The following PRRC2B variants were observed in gnomAD, a reference collection of about 807,000 sequenced individuals.
The protein encoded by PRRC2B is proline rich coiled-coil 2B.
Under a neutral mutation model 242.3 loss-of-function variants are expected in PRRC2B, and 68 were observed. The observed-to-expected ratio is 0.28, with a 90% CI of 0.23 to 0.34. The LOEUF (loss-of-function observed/expected upper bound fraction) is 0.34. PRRC2B is among the 10% of genes least tolerant of loss of function. The pLI, the probability that PRRC2B is intolerant of heterozygous loss-of-function variation, is 1.00. For synonymous variants in PRRC2B, 1,228 were observed against 1,173.6 expected, an observed-to-expected ratio of 1.05 and a Z score of -0.95; for missense variants, 2,835 against 2,954.8, an observed-to-expected ratio of 0.96 and a Z score of 0.94.
In PRRC2B at chr9:131,498,628, G is replaced by C. The variant is rs899744368; in HGVS notation, c.*2754G>C. ...TTCAAACCCCCATCCTCAGAGCGCAGATACATGCAGAGGCTTCTGCCAGGA... is the reference window on the plus strand; with the variant it reads ...TTCAAACCCCCATCCTCAGAGCGCACATACATGCAGAGGCTTCTGCCAGGA... On this transcript the variant is annotated 3_prime_UTR_variant, in exon 32 of 32. Coordinates refer to ENST00000683519, the MANE Select transcript of PRRC2B (RefSeq NM_013318.4). 2 of 152,278 alleles carry C rather than the reference G, an allele frequency of 1.3e-5. No homozygotes were observed. The highest frequency in any genetic ancestry group is 2.4e-5 in the African/African-American group (1 of 41,466). 9.4% of individuals were successfully genotyped at this position (152,278 alleles called of 1,614,324 possible).
In PRRC2B at chr9:131,476,392, C is replaced by T; in HGVS notation, c.4263C>T (p.Phe1421=). 1.9e-6 allele frequency: 3 copies of T among 1,606,392 alleles called. No homozygotes were observed. Among genetic ancestry groups the T allele is most frequent in the Non-Finnish European group, 2.6e-6 (3 of 1,176,388 alleles). Residue 1421 remains phenylalanine (F), a synonymous_variant, in exon 16 of 32, where the codon TTC becomes TTT. Coordinates refer to ENST00000683519, the MANE Select transcript of PRRC2B (RefSeq NM_013318.4). ...GEKKELAKRS[F]SSQRPVVDRQ... is the part of the protein sequence containing the mutation. ...AGAAGGAGCTGGCCAAGAGGAGCTT[C>T]TCCAGTCAGAGACCCGTGGTTGACA...
intron 17 of PRRC2B, 140 bp from the exon 18 acceptor site, chr9:131,478,334 A>T: frequency 1.3e-6 from 1 of 799,842 alleles, no homozygotes; most frequent in South Asian, 1.6e-5. Flanking sequence ...GTTAGATCAG[A>T]GGCGGCCTGA....
chr9:131,406,101 C>T (rs1410815682), intron 1 of PRRC2B, among the ~76,000 whole-genome samples: 3 of 152,040 alleles, frequency 2.0e-5, no homozygotes, highest in African/African-American at 7.2e-5. Context: ...CCCGGGGGCC[C>T]GGGGGTTTGG....
chr9:131,417,663 T>C (rs1837695459), intron 1 of PRRC2B, among the ~76,000 whole-genome samples: 1 of 152,142 alleles, frequency 6.6e-6, no homozygotes, highest in South Asian at 2.1e-4. Flanking sequence ...CTGTTTTCAT[T>C]TTCGGGGGTT....
At chr9:131,388,298 T>G (rs1170667784) in intron 1 of PRRC2B, among the ~76,000 whole-genome samples, 1 of 144,232 alleles carries the variant, frequency 6.9e-6, no homozygotes, top group Non-Finnish European at 1.5e-5. Context: ...TGGAGTGCAG[T>G]GGTGCAATCT....
rs1036752994 is a variant in PRRC2B at position 131,439,510 on chromosome 9, C to A, written c.469+449C>A. Among the ~76,000 whole-genome samples the A allele has an allele frequency of 2.0e-5, 3 of 152,316 alleles. No individual in the cohort carries two copies. The East Asian group carries it at 5.8e-4, about 29-fold the overall frequency. On this transcript the variant is annotated intron_variant, in intron 5 of 31. Transcript: ENST00000683519. ...CCCTTTGCCACCATCCTGATATCGC[C>A]TTCTGCTTCCTGCACTACCCCTGCC...
intron 1 of PRRC2B, among the ~76,000 whole-genome samples, chr9:131,404,115 C>G (rs1245999320): frequency 6.6e-6 from 1 of 151,430 alleles, no homozygotes; most frequent in African/African-American, 2.4e-5. Context: ...ACCTGCCACA[C>G]TAAGTGTTTT....
chr9:131,434,842 A>G (rs1388888839), intron 3 of PRRC2B, among the ~76,000 whole-genome samples: 1 of 152,130 alleles, frequency 6.6e-6, no homozygotes, highest in Non-Finnish European at 1.5e-5. Flanking sequence ...TGTTGATTTC[A>G]TCACTTCACC....
chr9:131,390,601 G>A (rs1836887694), upstream of PRRC2B, among the ~76,000 whole-genome samples: 1 of 142,400 alleles, frequency 7.0e-6, no homozygotes, highest in Non-Finnish European at 1.5e-5. Context: ...TCCTGCCTCA[G>A]CCTCCCGAGT....
chr9:131,420,453 T>TTTTCTCTTTCTTTC (rs1554758581), intron 1 of PRRC2B, among the ~76,000 whole-genome samples: 5 of 60,988 alleles, frequency 8.2e-5, no homozygotes, highest in Admixed American at 2.1e-4. Context: ...TTCTTTTTCT[T>TTTTCTCTTTCTTTC]TTTCTTTCTT....
At chr9:131,397,021 C>A (rs1320676458) in intron 1 of PRRC2B, among the ~76,000 whole-genome samples, 1 of 152,136 alleles carries the variant, frequency 6.6e-6, no homozygotes, top group Non-Finnish European at 1.5e-5. Flanking sequence ...AAATGTGGCA[C>A]CCCCTCCAGA....
In PRRC2B at chr9:131,475,916, C is replaced by T. The variant is rs376024056; in HGVS notation, c.3787C>T (p.Pro1263Ser). Residue 1263 changes from proline to serine, a missense_variant, in exon 16 of 32, where the codon CCT becomes TCT. Pro to Ser is a moderately conservative substitution (Grantham distance 74, BLOSUM62 -1). Around this residue, in one of 7 missense-constraint regions of PRRC2B, gnomAD observed 1,536 missense variants for 1,483.1 expected, o/e 1.04. Transcript: ENST00000683519. ...RDYVPDSYRH[P>S]DAFGGRGFED... ...CTATGTCCCAGATTCCTACAGACAC[C>T]CTGACGCATTTGGTGGCCGGGGCTT... 5 of 1,613,924 alleles carry T rather than the reference C, an allele frequency of 3.1e-6. No homozygotes were observed. Among genetic ancestry groups the T allele is most frequent in the Non-Finnish European group, 4.2e-6 (5 of 1,179,846 alleles).
intron 11 of PRRC2B, among the ~76,000 whole-genome samples, chr9:131,461,603 G>A (rs1166947473): frequency 4.6e-5 from 7 of 152,298 alleles, no homozygotes; most frequent in East Asian, 1.9e-4. Flanking sequence ...GTGCGGTGGC[G>A]TAATCTTGGC....
chr9:131,482,574 G>A lies in PRRC2B; in HGVS notation c.5175+12G>A, dbSNP rs750936338. Reference sequence around the variant, plus strand: ...CATCTGAGCAGAAGGTAACCTGGACGTTCCAGTCACAGTGGCCAGGGCCTG... The same window carrying A: ...CATCTGAGCAGAAGGTAACCTGGACATTCCAGTCACAGTGGCCAGGGCCTG... On this transcript the variant is annotated intron_variant, in intron 21 of 31. Coordinates refer to ENST00000683519, the MANE Select transcript of PRRC2B (RefSeq NM_013318.4). This position sits in a 1 kb window ranked among gnomAD's most constrained non-coding sequence, Gnocchi z 5.2. The A allele has an allele frequency of 2.6e-5, 41 of 1,577,186 alleles. No individual in the cohort carries two copies. In the South Asian group the frequency reaches 3.1e-4, roughly 12 times the overall value.
At chr9:131,403,940 CT>C (rs995102627) in intron 1 of PRRC2B, among the ~76,000 whole-genome samples, 2 of 151,302 alleles carry the variant, frequency 1.3e-5, no homozygotes, top group Non-Finnish European at 2.9e-5. Flanking sequence ...TTCAGTAATA[CT>C]TTTTTTTTCT....
chr9:131,418,758 T>G (rs1206766619), intron 1 of PRRC2B, among the ~76,000 whole-genome samples: 3 of 152,256 alleles, frequency 2.0e-5, no homozygotes, highest in Admixed American at 2.0e-4. Context: ...CTGAGTTTTC[T>G]TTAAAATTAT....
chr9:131,407,635 GATT>G (rs1473683341), intron 1 of PRRC2B, among the ~76,000 whole-genome samples: 2 of 152,184 alleles, frequency 1.3e-5, no homozygotes, highest in Non-Finnish European at 2.9e-5. Flanking sequence ...CTTTGCTGGA[GATT>G]ATTTATACCA....
At position 131,412,929 on chromosome 9, in the gene PRRC2B, GATTATAGGTGTAAAAAGTAA is replaced by G. The variant is rs558605643; in HGVS notation, c.-51-17163_-51-17144del. Among the ~76,000 whole-genome samples the G allele has an allele frequency of 3.1e-4, 47 of 152,020 alleles. No homozygotes were observed. The East Asian group carries it at 9.1e-3, about 29-fold the overall frequency. On this transcript the variant is annotated intron_variant, in intron 1 of 31. Coordinates refer to ENST00000683519, the MANE Select transcript of PRRC2B (RefSeq NM_013318.4). ...CAGCCTCAGCCTCCCGAGTAGCTGG[GATTATAGGTGTAAAAAGTAA>G]AGTAGAGGTTTCATTTTAAAGATTT...
intron 1 of PRRC2B, among the ~76,000 whole-genome samples, chr9:131,403,364 T>A (rs75800302): frequency 0.051 from 7,698 of 152,226 alleles, 262 homozygotes; most frequent in Non-Finnish European, 0.066. Flanking sequence ...TTATTTATTT[T>A]TTTTTGAGGT....
Sources: allele counts gnomAD v4.1 joint callset (sites outside exome capture counted in the v4.1 genomes callset), GRCh38; gene constraint gnomAD v4.1.1; regional missense constraint gnomAD v4.1.1; non-coding constraint Gnocchi (gnomAD v3.1); transcripts MANE v1.5; gene names NCBI Gene and HGNC (gene_info 2026-07-23, HGNC 2026-07-21).